OLFM3: variants seen among roughly 807,000 people sequenced by gnomAD.
OLFM3 encodes the protein olfactomedin 3, also known as noelin-3.
OLFM3 carries 20 observed loss-of-function variants against 48.6 expected under a neutral mutation model. The ratio of observed to expected loss-of-function variants is 0.41; its 90% CI spans 0.29 to 0.60. OLFM3 has a LOEUF of 0.60. Among genes scored for constraint, OLFM3 ranks in the 20% least tolerant of loss-of-function variants. The pLI is 0.28. For synonymous variants in OLFM3, 222 were observed against 198.1 expected (o/e 1.12, Z -1.01); for missense variants, 437 against 544.3 (o/e 0.80, Z 1.96).
chr1:101,924,672 T>A (rs1476121794), intron 1 of OLFM3, among the ~76,000 whole-genome samples: 1 of 152,230 alleles, frequency 6.6e-6, no homozygotes, highest in Non-Finnish European at 1.5e-5. Flanking sequence ...AAGTCACACC[T>A]AACTGGCTGC....
intron 1 of OLFM3, among the ~76,000 whole-genome samples, chr1:101,915,610 C>G (rs991296562): frequency 6.6e-6 from 1 of 151,998 alleles, no homozygotes; most frequent in Non-Finnish European, 1.5e-5. Flanking sequence ...AATAAGTTGG[C>G]AAATATTCAA....
intron 3 of OLFM3, among the ~76,000 whole-genome samples, chr1:101,827,304 T>TGTAACAGAG (rs1409890619): frequency 6.6e-6 from 1 of 151,938 alleles, no homozygotes; most frequent in Non-Finnish European, 1.5e-5. Flanking sequence ...ATGGAAATTG[T>TGTAACAGAG]GTAACAGAGG....
intron 4 of OLFM3, chr1:101,813,146 A>G (rs1327406013): frequency 4.8e-6 from 6 of 1,256,144 alleles, no homozygotes; most frequent in Admixed American, 2.3e-5. Flanking sequence ...TTTTAAATCA[A>G]CTGGAAAGGA....
chr1:101,885,662 A>G (rs1657723521), intron 1 of OLFM3, among the ~76,000 whole-genome samples: 1 of 152,110 alleles, frequency 6.6e-6, no homozygotes. Context: ...TGGATAGTAA[A>G]TAAATTTTCT....
At chr1:101,897,910 T>C (rs925471812) in intron 1 of OLFM3, among the ~76,000 whole-genome samples, 3 of 152,144 alleles carry the variant, frequency 2.0e-5, no homozygotes, top group Non-Finnish European at 4.4e-5. Flanking sequence ...TTCCTTTTTC[T>C]AAGGCAACTT....
intron 1 of OLFM3, among the ~76,000 whole-genome samples, chr1:101,879,632 T>A (rs1657440995): frequency 6.6e-6 from 1 of 151,886 alleles, no homozygotes. Context: ...ATAAGTGGAT[T>A]TATATAGAAG....
intron 1 of OLFM3, among the ~76,000 whole-genome samples, chr1:101,888,278 C>T (rs1657849204): frequency 6.6e-6 from 1 of 152,136 alleles, no homozygotes; most frequent in South Asian, 2.1e-4. Context: ...TCCAAAACAG[C>T]ATGGTACTGG....
chr1:101,935,312 A>AT (rs893044392), intron 1 of OLFM3, among the ~76,000 whole-genome samples: 70 of 131,248 alleles, frequency 5.3e-4, no homozygotes, highest in Admixed American at 3.3e-3. Flanking sequence ...ACCTAGAGAA[A>AT]TAAAAAAAAA....
chr1:101,988,095 A>G (rs940776188), intron 1 of OLFM3, among the ~76,000 whole-genome samples: 2 of 152,078 alleles, frequency 1.3e-5, no homozygotes, highest in Non-Finnish European at 2.9e-5. Context: ...ATAAGTGTAT[A>G]TACTAAGATA....
At chr1:101,825,314 A>T in intron 3 of OLFM3, 69 bp from the exon 4 acceptor site, 1 of 1,184,982 alleles carries the variant, frequency 8.4e-7, no homozygotes, top group Non-Finnish European at 1.2e-6. Context: ...TCTTTTTATT[A>T]TGATACTTAA....
chr1:101,827,979 G>C (rs1654942712), intron 3 of OLFM3, among the ~76,000 whole-genome samples: 1 of 151,130 alleles, frequency 6.6e-6, no homozygotes, highest in African/African-American at 2.4e-5. Context: ...GAGAGCTGAT[G>C]GTTTTAAAGT....
intron 1 of OLFM3, among the ~76,000 whole-genome samples, chr1:101,915,270 CAGTGGGA>C (rs1490746587): frequency 6.6e-6 from 1 of 151,806 alleles, no homozygotes; most frequent in Non-Finnish European, 1.5e-5. Flanking sequence ...TTTATTTAAC[CAGTGGGA>C]ATTATTATTT....
chr1:101,925,952 T>C (rs1166929737), intron 1 of OLFM3, among the ~76,000 whole-genome samples: 1 of 152,120 alleles, frequency 6.6e-6, no homozygotes, highest in Non-Finnish European at 1.5e-5. Flanking sequence ...AAATATTTGG[T>C]GAATATATTA....
chr1:101,822,153 AAAAC>A (rs766594843), intron 4 of OLFM3, among the ~76,000 whole-genome samples: 4 of 152,110 alleles, frequency 2.6e-5, no homozygotes, highest in African/African-American at 4.8e-5. Context: ...TGGGTTAGAA[AAAAC>A]AAACAAATGG....
chr1:101,836,053 C>T (rs1425480953), intron 2 of OLFM3, among the ~76,000 whole-genome samples: 1 of 152,172 alleles, frequency 6.6e-6, no homozygotes, highest in African/African-American at 2.4e-5. Flanking sequence ...ATGAAAATGA[C>T]ATCACACAGA....
At chr1:101,832,494 G>A (rs1655209586) in intron 2 of OLFM3, among the ~76,000 whole-genome samples, 1 of 152,050 alleles carries the variant, frequency 6.6e-6, no homozygotes, top group South Asian at 2.1e-4. Flanking sequence ...GCCCTTTTTG[G>A]ATCCTGTCCT....
At chr1:101,895,873 A>G (rs1322275351) in intron 1 of OLFM3, among the ~76,000 whole-genome samples, 2 of 151,970 alleles carry the variant, frequency 1.3e-5, no homozygotes, top group Non-Finnish European at 2.9e-5. Context: ...TAAATATATT[A>G]CTTTTATTAC....
chr1:101,862,828 A>G (rs1312797875), intron 1 of OLFM3, among the ~76,000 whole-genome samples: 4 of 152,226 alleles, frequency 2.6e-5, no homozygotes, highest in African/African-American at 9.6e-5. Flanking sequence ...TACATAAACT[A>G]TTCCCAAATG....
chr1:101,966,317 T>TTGTGTGTG (rs60173488), intron 1 of OLFM3, among the ~76,000 whole-genome samples: 1,328 of 128,132 alleles, frequency 0.01, 10 homozygotes, highest in South Asian at 0.019. Context: ...CCTGGCTAAT[T>TTGTGTGTG]TGTGTGTGTG....
Sources: gnomAD v4.1 joint callset for allele counts (sites outside exome capture counted in the v4.1 genomes callset) on GRCh38, gnomAD v4.1.1 for gene constraint, MANE v1.5 for transcripts, NCBI Gene and HGNC (gene_info 2026-07-23, HGNC 2026-07-21) for gene names.